Variants in RNF150 observed in about 807,000 individuals in gnomAD.
The protein encoded by RNF150 is ring finger protein 150.
Under a neutral mutation model 39.3 loss-of-function variants are expected in RNF150, and 24 were observed. The ratio of observed to expected loss-of-function variants is 0.61; its 90% CI spans 0.44 to 0.86. The LOEUF (loss-of-function observed/expected upper bound fraction) is 0.86. Ranked by LOEUF, RNF150 falls within the 40% of genes least tolerant of loss-of-function variation. RNF150 has a pLI of 0.00. For missense variants in RNF150, 502 were observed against 587.8 expected, an observed-to-expected ratio of 0.85 and a Z score of 1.51; for synonymous variants, 255 against 227.3, an observed-to-expected ratio of 1.12 and a Z score of -1.10.
At chr4:140,955,172 T>C (rs1403585993) in intron 2 of RNF150, among the ~76,000 whole-genome samples, 1 of 152,210 alleles carries the variant, frequency 6.6e-6, no homozygotes, top group Non-Finnish European at 1.5e-5. Context: ...ATAGAAGTCA[T>C]AGCACAGCCA....
chr4:141,024,526 A>G (rs1735618471), intron 1 of RNF150, among the ~76,000 whole-genome samples: 1 of 152,222 alleles, frequency 6.6e-6, no homozygotes, highest in Admixed American at 6.5e-5. Context: ...GGTTAAACAC[A>G]AAACATGAAC....
chr4:141,050,432 C>G (rs913398274), intron 1 of RNF150, among the ~76,000 whole-genome samples: 35 of 152,128 alleles, frequency 2.3e-4, no homozygotes, highest in African/African-American at 8.2e-4. Flanking sequence ...GTCCATAGTC[C>G]AACATCTCAT....
chr4:141,195,669 T>A (rs1388711276), intron 1 of RNF150, among the ~76,000 whole-genome samples: 4 of 152,138 alleles, frequency 2.6e-5, no homozygotes, highest in African/African-American at 9.7e-5. Flanking sequence ...AAAGGTTAAG[T>A]CAATTTATGG....
intron 6 of RNF150, among the ~76,000 whole-genome samples, chr4:140,873,283 G>A (rs1729017550): frequency 2.6e-5 from 4 of 152,156 alleles, no homozygotes; most frequent in African/African-American, 9.7e-5. Flanking sequence ...AGGAACACAG[G>A]CTCCAGGTCA....
At chr4:141,062,462 A>G (rs1319143677) in intron 1 of RNF150, among the ~76,000 whole-genome samples, 1 of 152,142 alleles carries the variant, frequency 6.6e-6, no homozygotes, top group African/African-American at 2.4e-5. Flanking sequence ...AGGAAAAAAT[A>G]TCACTCATAA....
In RNF150 at chr4:140,999,954, G is replaced by GAA. The variant is rs1349998282; in HGVS notation, c.485-32083_485-32082dup. On this transcript the variant is annotated intron_variant, in intron 1 of 6. Coordinates refer to ENST00000515673, the MANE Select transcript of RNF150 (RefSeq NM_020724.2). ...CTTGGTCTCAAAAAAAGAAGAAGAA[G>GAA]AAGAAGAAGAAGAAGAAGAAGAAAA... Among the ~76,000 whole-genome samples, 15 of 37,104 alleles carry GAA rather than the reference G, an allele frequency of 4.0e-4. 3 individuals carry two copies. The highest frequency in any genetic ancestry group is 8.1e-4 in the African/African-American group (14 of 17,278). The allele number at this position is 37,104 out of a possible 152,430, so 24.3% of individuals were successfully genotyped here. A position where few individuals can be genotyped will look rare whatever the true frequency, so the allele number is the denominator to read the frequency against.
At chr4:141,170,302 C>A (rs956447535) in intron 1 of RNF150, among the ~76,000 whole-genome samples, 3 of 152,060 alleles carry the variant, frequency 2.0e-5, no homozygotes, top group South Asian at 2.1e-4. Flanking sequence ...TTTTGAGGAA[C>A]TTTATCATAT....
chr4:140,904,141 C>G (rs1730290079), intron 6 of RNF150, among the ~76,000 whole-genome samples: 1 of 152,156 alleles, frequency 6.6e-6, no homozygotes, highest in Non-Finnish European at 1.5e-5. Context: ...TCTGGTGAAG[C>G]TGCCATGGAG....
At chr4:140,928,141 T>C (rs1193037689) in intron 4 of RNF150, among the ~76,000 whole-genome samples, 1 of 149,980 alleles carries the variant, frequency 6.7e-6, no homozygotes, top group East Asian at 1.9e-4. Context: ...ACAATGGTGA[T>C]TTGGCTCCTT....
chr4:140,958,206 C>T (rs894437143), intron 2 of RNF150, among the ~76,000 whole-genome samples: 2 of 152,046 alleles, frequency 1.3e-5, no homozygotes, highest in African/African-American at 4.8e-5. Flanking sequence ...TGTGCCATTT[C>T]ATATAAGGGA....
intron 1 of RNF150, among the ~76,000 whole-genome samples, chr4:141,098,738 C>T (rs1205447078): frequency 6.6e-6 from 1 of 152,184 alleles, no homozygotes; most frequent in Non-Finnish European, 1.5e-5. Context: ...GTTCTTAAAA[C>T]ATTTTGCTAC....
chr4:140,895,647 T>C (rs943949753), intron 6 of RNF150, among the ~76,000 whole-genome samples: 1 of 152,228 alleles, frequency 6.6e-6, no homozygotes, highest in African/African-American at 2.4e-5. Context: ...CTTAGTTCTG[T>C]GTTGCAGATC....
intron 1 of RNF150, among the ~76,000 whole-genome samples, chr4:141,020,102 ATTT>A (rs58005040): frequency 6.7e-6 from 1 of 149,312 alleles, no homozygotes; most frequent in Non-Finnish European, 1.5e-5. Flanking sequence ...TTGGTTTGAT[ATTT>A]TTTTTTTCAT....
chr4:140,898,850 C>G (rs867735473), intron 6 of RNF150, among the ~76,000 whole-genome samples: 4 of 152,234 alleles, frequency 2.6e-5, no homozygotes, highest in Middle Eastern at 3.4e-3. Flanking sequence ...GTTCTTGTTG[C>G]ACAGCAGGAG....
rs565243685 is a variant in RNF150 at position 140,865,238 on chromosome 4, T to A, written c.*3023A>T. 4 of 152,346 alleles carry A rather than the reference T, an allele frequency of 2.6e-5. No individual in the cohort carries two copies. The South Asian group carries it at 8.3e-4, about 32-fold the overall frequency. The allele number at this position is 152,346 out of a possible 1,614,324, so 9.4% of individuals were successfully genotyped here. ...ACAATATTAGGTTAAAGTACATGAT[T>A]AAAATTATCTTTACCTGTTTCTTTT... On this transcript the variant is annotated 3_prime_UTR_variant, in exon 7 of 7. Transcript: ENST00000515673.
chr4:140,913,333 T>C (rs1234186253), intron 5 of RNF150, among the ~76,000 whole-genome samples: 1 of 152,142 alleles, frequency 6.6e-6, no homozygotes, highest in Non-Finnish European at 1.5e-5. Flanking sequence ...AATTACATGC[T>C]CCCTGGCATG....
chr4:140,957,773 C>T (rs1579003181), intron 2 of RNF150, among the ~76,000 whole-genome samples: 1 of 151,820 alleles, frequency 6.6e-6, no homozygotes, highest in African/African-American at 2.4e-5. Context: ...AATTGGAAAT[C>T]ATCATTCTCA....
chr4:140,918,393 A>G (rs560834545), intron 5 of RNF150, among the ~76,000 whole-genome samples: 26 of 152,358 alleles, frequency 1.7e-4, no homozygotes, highest in African/African-American at 6.3e-4. Flanking sequence ...CCATCAGAGA[A>G]TAGTACAAAC....
chr4:141,193,000 C>T (rs1343083497), intron 1 of RNF150, among the ~76,000 whole-genome samples: 1 of 152,214 alleles, frequency 6.6e-6, no homozygotes, highest in Non-Finnish European at 1.5e-5. Context: ...TAAGACCTGT[C>T]TTGGCCACCT....
Sources: gnomAD v4.1 joint callset for allele counts (sites outside exome capture counted in the v4.1 genomes callset) on GRCh38, gnomAD v4.1.1 for gene constraint, MANE v1.5 for transcripts, NCBI Gene and HGNC (gene_info 2026-07-23, HGNC 2026-07-21) for gene names.